PARD3B: variants seen among roughly 807,000 people sequenced by gnomAD.
PARD3B encodes par-3 family cell polarity regulator beta.
In PARD3B, 103 loss-of-function variants were observed where a neutral mutation model predicts 130.2. The ratio of observed to expected loss-of-function variants is 0.79; its 90% CI spans 0.67 to 0.93. The LOEUF (loss-of-function observed/expected upper bound fraction) is 0.93, where lower values mean the gene tolerates loss of function less well. Ranked by LOEUF, PARD3B falls within the 40% of genes least tolerant of loss-of-function variation. The probability of loss-of-function intolerance (pLI) is 0.00; values close to 1 mark genes in which losing one functional copy is unlikely to be tolerated. For missense variants in PARD3B, 1,609 were observed against 1,499.2 expected (o/e 1.07, Z -1.21); for synonymous variants, 583 against 553.2 (o/e 1.05, Z -0.76).
At position 204,677,539 on chromosome 2, in the gene PARD3B, C is replaced by T. The variant is rs1233948332; in HGVS notation, c.121-8642C>T. On this transcript the variant is annotated intron_variant, in intron 1 of 22. Transcript: ENST00000406610. This position sits in a 1 kb window ranked among gnomAD's most constrained non-coding sequence, Gnocchi z 4.1. Reference sequence around the variant, plus strand: ...TCCATCTCCTTAACCTTTGTGGTTACTGTCACATGGGTCATCTCCAGTTAG... The same window carrying T: ...TCCATCTCCTTAACCTTTGTGGTTATTGTCACATGGGTCATCTCCAGTTAG... 1.3e-5 allele frequency among the ~76,000 whole-genome samples: 2 copies of T among 152,198 alleles called. No homozygotes were observed. The highest frequency in any genetic ancestry group is 2.9e-5 in the Non-Finnish European group (2 of 68,044).
At chr2:205,347,104 TA>T (rs1260095519) in intron 18 of PARD3B, among the ~76,000 whole-genome samples, 6 of 152,230 alleles carry the variant, frequency 3.9e-5, no homozygotes, top group African/African-American at 1.4e-4. Context: ...AAGTAGGTTT[TA>T]ATTTTCCCAC....
At position 205,265,998 on chromosome 2, in the gene PARD3B, A is replaced by G. The variant is rs1002009262; in HGVS notation, c.2185+20176A>G. Among the ~76,000 whole-genome samples, 1 of 152,116 alleles carries G rather than the reference A, an allele frequency of 6.6e-6. No homozygotes were observed. Among genetic ancestry groups the G allele is most frequent in the African/African-American group, 2.4e-5 (1 of 41,446 alleles). On this transcript the variant is annotated intron_variant, in intron 16 of 22. Transcript: ENST00000406610. The surrounding 1 kb of genome is among the most constrained non-coding windows in gnomAD (Gnocchi z 4.3). The stretch of plus-strand genomic sequence containing the variant: ...AGGCATCAGTCAGAAGACTCATTAG[A>G]AACATCATACTAAAAAGTTAAAATG...
Position 205,122,022 on chromosome 2 carries a change from G to C in PARD3B, c.1165+73G>C. ...AAATTGGTTAAGAGAAATGCATTAA[G>C]GCTAATTTAGTTAATTCTCCCTTCA... On this transcript the variant is annotated intron_variant, in intron 8 of 22. Coordinates refer to ENST00000406610, the MANE Select transcript of PARD3B (RefSeq NM_001302769.2). The surrounding 1 kb of genome is among the most constrained non-coding windows in gnomAD (Gnocchi z 4.3). 7.9e-7 allele frequency: 1 copy of C among 1,264,094 alleles called. No homozygotes were observed. The highest frequency in any genetic ancestry group is 2.4e-5 in the East Asian group (1 of 42,140). 78.3% of individuals were successfully genotyped at this position (1,264,094 alleles called of 1,614,324 possible).
intron 22 of PARD3B, among the ~76,000 whole-genome samples, chr2:205,609,321 A>G (rs1271732231): frequency 6.6e-6 from 1 of 152,194 alleles, no homozygotes; most frequent in Admixed American, 6.5e-5. Context: ...CAGTATTTGT[A>G]GAAGAACCAG....
At chr2:205,567,481 ATT>A (rs61638177) in intron 22 of PARD3B, among the ~76,000 whole-genome samples, 2 of 113,518 alleles carry the variant, frequency 1.8e-5, no homozygotes, top group Non-Finnish European at 3.5e-5. Flanking sequence ...TGCCCGGTTA[ATT>A]TTTTTTTTTT....
At chr2:204,969,959 A>G (rs972812080) in intron 3 of PARD3B, among the ~76,000 whole-genome samples, 2 of 152,198 alleles carry the variant, frequency 1.3e-5, no homozygotes, top group South Asian at 4.1e-4. Context: ...AAGTTCCACT[A>G]AAACCAATAT....
chr2:204,973,606 T>TA (rs1313878112), intron 3 of PARD3B, among the ~76,000 whole-genome samples: 10 of 152,184 alleles, frequency 6.6e-5, no homozygotes, highest in African/African-American at 2.4e-4. Context: ...TTTAATTATT[T>TA]ACAGAAGATC....
chr2:204,755,544 G>A (rs1479893781), intron 2 of PARD3B, among the ~76,000 whole-genome samples: 1 of 152,042 alleles, frequency 6.6e-6, no homozygotes, highest in Non-Finnish European at 1.5e-5. Flanking sequence ...TTTGTTCAAT[G>A]ACACATCACA....
At chr2:204,917,204 C>A (rs369861146) in intron 2 of PARD3B, among the ~76,000 whole-genome samples, 56 of 152,212 alleles carry the variant, frequency 3.7e-4, no homozygotes, top group African/African-American at 1.1e-3. Flanking sequence ...GTGGGTGGAT[C>A]AGATAGGGCC....
intron 4 of PARD3B, among the ~76,000 whole-genome samples, chr2:205,074,637 A>C (rs1385496276): frequency 6.6e-6 from 1 of 152,176 alleles, no homozygotes; most frequent in Non-Finnish European, 1.5e-5. Context: ...GTTTATTAAA[A>C]CTTGGAAGCA....
chr2:205,549,585 A>C, intron 21 of PARD3B, among the ~76,000 whole-genome samples: 1 of 152,192 alleles, frequency 6.6e-6, no homozygotes. Flanking sequence ...TCTGGAATTG[A>C]CTATGAAAAG....
intron 2 of PARD3B, among the ~76,000 whole-genome samples, chr2:204,952,382 G>T (rs1689854697): frequency 6.6e-6 from 1 of 152,142 alleles, no homozygotes; most frequent in Admixed American, 6.5e-5. Context: ...TAAATTAAAT[G>T]AAACCAACAT....
At chr2:204,744,990 T>C (rs2040156297) in intron 2 of PARD3B, among the ~76,000 whole-genome samples, 4 of 151,246 alleles carry the variant, frequency 2.6e-5, no homozygotes, top group Admixed American at 2.6e-4. Context: ...AGTGAGAGAG[T>C]AGAAGTGCTT....
intron 18 of PARD3B, among the ~76,000 whole-genome samples, chr2:205,318,123 G>A (rs1400025639): frequency 6.6e-6 from 1 of 152,160 alleles, no homozygotes; most frequent in Non-Finnish European, 1.5e-5. Flanking sequence ...AGGGCTTTTG[G>A]TATGAGGTTC....
At chr2:204,598,933 T>C (rs1233159205) in intron 1 of PARD3B, among the ~76,000 whole-genome samples, 1 of 152,060 alleles carries the variant, frequency 6.6e-6, no homozygotes, top group East Asian at 1.9e-4. Context: ...TTTTTTTCTT[T>C]TCATCAATAT....
chr2:205,615,317 C>T (rs1182603270), intron 22 of PARD3B, 139 bp from the exon 23 acceptor site: 21 of 623,876 alleles, frequency 3.4e-5, no homozygotes, highest in African/African-American at 5.5e-5. Context: ...TTTAAGGGCA[C>T]GTATCACTTC....
At chr2:204,828,086 A>C (rs2043659871) in intron 2 of PARD3B, among the ~76,000 whole-genome samples, 1 of 152,208 alleles carries the variant, frequency 6.6e-6, no homozygotes, top group African/African-American at 2.4e-5. Flanking sequence ...TGAACTACAA[A>C]GGAAGAATGT....
At chr2:205,600,713 T>C (rs2054750281) in intron 22 of PARD3B, among the ~76,000 whole-genome samples, 1 of 152,192 alleles carries the variant, frequency 6.6e-6, no homozygotes, top group African/African-American at 2.4e-5. Context: ...ATCCATGTGT[T>C]CTCATTGTTC....
chr2:204,720,519 T>C (rs548336606), intron 2 of PARD3B, among the ~76,000 whole-genome samples: 1 of 152,304 alleles, frequency 6.6e-6, no homozygotes, highest in East Asian at 1.9e-4. Flanking sequence ...CAATTTCCAT[T>C]GTAATATGAA....
Sources: gnomAD v4.1 joint callset for allele counts (sites outside exome capture counted in the v4.1 genomes callset) on GRCh38, gnomAD v4.1.1 for gene constraint, Gnocchi (gnomAD v3.1) non-coding constraint, MANE v1.5 for transcripts, NCBI Gene and HGNC (gene_info 2026-07-23, HGNC 2026-07-21) for gene names.